The following EPN1 variants were observed in gnomAD, a reference collection of about 807,000 sequenced individuals.
EPN1 encodes epsin 1.
In EPN1, 25 loss-of-function variants were observed where a neutral mutation model predicts 56.9. That is an observed-to-expected ratio of 0.44 (90% CI 0.32 to 0.61). The LOEUF (loss-of-function observed/expected upper bound fraction) is 0.61, where lower values mean the gene tolerates loss of function less well. Among genes scored for constraint, EPN1 ranks in the 20% least tolerant of loss-of-function variants. The pLI is 0.05. For synonymous variants in EPN1, 411 were observed against 361.8 expected, an observed-to-expected ratio of 1.14 and a Z score of -1.54; for missense variants, 785 against 823.7, an observed-to-expected ratio of 0.95 and a Z score of 0.58.
chr19:55,676,037 A>G (rs1175686902), intron 1 of EPN1, among the ~76,000 whole-genome samples: 2 of 152,158 alleles, frequency 1.3e-5, no homozygotes, highest in African/African-American at 4.8e-5. Context: ...GCTGCCTGCT[A>G]AGCTGTGTAA....
rs1375915992 is a variant in EPN1 at position 55,692,043 on chromosome 19, G to A, written c.1052G>A (p.Trp351Ter). 1 of 1,450,894 alleles carries A rather than the reference G, an allele frequency of 6.9e-7. No individual in the cohort carries two copies. The highest frequency in any genetic ancestry group is 9.0e-7 in the Non-Finnish European group (1 of 1,107,976). The allele number at this position is 1,450,894 out of a possible 1,614,324, so 89.9% of individuals were successfully genotyped here. A position where few individuals can be genotyped will look rare whatever the true frequency, so the allele number is the denominator to read the frequency against. Reference sequence around the variant, plus strand: ...GGGGAGGGGCCCACGCCTGATCCATGGGGAAGTTCCGATGGTGAGTGCGTG... The same window carrying A: ...GGGGAGGGGCCCACGCCTGATCCATAGGGAAGTTCCGATGGTGAGTGCGTG... ...AAGEGPTPDP[W>*]GSSDGGVPVS... Residue 351 changes from tryptophan (W) to a stop codon, truncating the protein, a stop_gained, in exon 7 of 11, where the codon TGG becomes TAG. Coordinates refer to ENST00000270460, the MANE Select transcript of EPN1 (RefSeq NM_001130072.2). LOFTEE classifies it high-confidence loss of function.
At position 55,708,894 on chromosome 19, in the gene EPN1, A is replaced by G. The variant is rs769340325; in HGVS notation, c.*13538A>G. ...CAAGGAAAGCCTTTGTGAGACGACT[A>G]CTTCAGGGTGTTCCCCATCAGAGGA... On this transcript the variant is annotated 3_prime_UTR_variant, in exon 11 of 11. Coordinates refer to ENST00000270460, the MANE Select transcript of EPN1 (RefSeq NM_001130072.2). 1.5e-5 allele frequency: 23 copies of G among 1,519,482 alleles called. No homozygotes were observed. Among genetic ancestry groups the G allele is most frequent in the Non-Finnish European group, 1.9e-5 (22 of 1,140,754 alleles). The allele number at this position is 1,519,482 out of a possible 1,614,324, so 94.1% of individuals were successfully genotyped here. A position where few individuals can be genotyped will look rare whatever the true frequency, so the allele number is the denominator to read the frequency against.
chr19:55,679,103 G>A (rs1215034826), intron 2 of EPN1, among the ~76,000 whole-genome samples: 1 of 152,198 alleles, frequency 6.6e-6, no homozygotes, highest in African/African-American at 2.4e-5. Context: ...GCCTGAGAGG[G>A]CCCACGGTGC....
rs1427734507 is a variant in EPN1, at chr19:55,675,316, C to G, written c.-221C>G. 1 of 151,890 alleles carries G rather than the reference C, an allele frequency of 6.6e-6. No individual in the cohort carries two copies. 9.4% of individuals were successfully genotyped at this position (151,890 alleles called of 1,614,324 possible). On this transcript the variant is annotated 5_prime_UTR_variant, in exon 1 of 11. Transcript: ENST00000270460. ...GCGGGGCGGCGGAGCCGTCGGCGTG[C>G]GGCCCTCCTTGCGTTCGTGCGTGCG...
intron 7 of EPN1, among the ~76,000 whole-genome samples, chr19:55,692,324 C>A (rs966236292): frequency 7.0e-6 from 1 of 142,506 alleles, no homozygotes; most frequent in Non-Finnish European, 1.5e-5. Flanking sequence ...CAAGGCAGAG[C>A]GTGTGTGACG....
rs1312444689 is a variant in EPN1 at position 55,689,981 on chromosome 19, C to T, written c.762+31C>T. ...CGGGGCTTGTTCTGCCCTCCCTGGC[C>T]CCTGCAGGTGTCCGTCCGTCCCATC... On this transcript the variant is annotated intron_variant, in intron 6 of 10. Coordinates refer to ENST00000270460, the MANE Select transcript of EPN1 (RefSeq NM_001130072.2). The surrounding 1 kb of genome is among the most constrained non-coding windows in gnomAD (Gnocchi z 5.7). The T allele has an allele frequency of 1.9e-6, 3 of 1,558,956 alleles. No homozygotes were observed. The Admixed American group carries it at 5.7e-5, about 29-fold the overall frequency.
intron 3 of EPN1, 124 bp downstream of exon 3, chr19:55,685,769 TCTC>T: frequency 1.6e-6 from 2 of 1,263,310 alleles, no homozygotes; most frequent in Non-Finnish European, 2.2e-6. Flanking sequence ...CCCCTTTGCT[TCTC>T]CTCACCTGGG....
chr19:55,675,621 G>A (rs1470530718), intron 1 of EPN1, among the ~76,000 whole-genome samples, 186 bp downstream of exon 1: 1 of 152,210 alleles, frequency 6.6e-6, no homozygotes, highest in Non-Finnish European at 1.5e-5. Context: ...TCTCGTGTCT[G>A]TGTGTCTGTC....
At chr19:55,688,822 C>T (rs1364657758) in intron 3 of EPN1, 48 bp from the exon 4 acceptor site, 21 of 1,555,558 alleles carry the variant, frequency 1.3e-5, no homozygotes, top group Admixed American at 1.9e-5. Context: ...GGTTTCCTGT[C>T]TCTCGTTCCC....
At chr19:55,686,624 G>A (rs1481192910) in intron 3 of EPN1, among the ~76,000 whole-genome samples, 1 of 152,148 alleles carries the variant, frequency 6.6e-6, no homozygotes, top group Non-Finnish European at 1.5e-5. Flanking sequence ...ACATGGGTGT[G>A]ACGGGGTGTG....
chr19:55,685,003 T>TAG (rs1407322484), intron 2 of EPN1, among the ~76,000 whole-genome samples: 1 of 152,252 alleles, frequency 6.6e-6, no homozygotes, highest in African/African-American at 2.4e-5. Context: ...CAGAACGTCT[T>TAG]CATTGCCCCA....
At position 55,692,011 on chromosome 19, in the gene EPN1, T is replaced by G; in HGVS notation, c.1020T>G (p.Pro340=). The change falls in exon 7 of 11, where the codon CCT becomes CCG. Residue 340 remains proline, a synonymous_variant. Coordinates refer to ENST00000270460, the MANE Select transcript of EPN1 (RefSeq NM_001130072.2). ...SVDPWGGTPA[P]AAGEGPTPDP... Reference sequence around the variant, plus strand: ...ACCCTTGGGGTGGGACCCCAGCCCCTGCAGCTGGGGAGGGGCCCACGCCTG... The same window carrying G: ...ACCCTTGGGGTGGGACCCCAGCCCCGGCAGCTGGGGAGGGGCCCACGCCTG... 1 of 1,476,120 alleles carries G rather than the reference T, an allele frequency of 6.8e-7. No homozygotes were observed. Among genetic ancestry groups the G allele is most frequent in the Non-Finnish European group, 8.9e-7 (1 of 1,120,996 alleles). The allele number at this position is 1,476,120 out of a possible 1,614,324, so 91.4% of individuals were successfully genotyped here.
rs1302624100 is a variant in EPN1, at chr19:55,692,762, G to C, written c.1143G>C (p.Gly381=). 1.3e-6 allele frequency: 2 copies of C among 1,590,134 alleles called. No individual in the cohort carries two copies. The highest frequency in any genetic ancestry group is 1.7e-6 in the Non-Finnish European group (2 of 1,168,664). ...CGGCCTTCTCAGATCCCTGGGGAGG[G>C]TCACCTGCCAAGCCCAGCACCAATG... ...PAPAFSDPWG[G]SPAKPSTNGT... is the part of the protein sequence containing the mutation. The change falls in exon 8 of 11, where the codon GGG becomes GGC. Residue 381 remains glycine (G), a synonymous_variant. Transcript: ENST00000270460.
At position 55,694,668 on chromosome 19, in the gene EPN1, C is replaced by T. The variant is rs550111750; in HGVS notation, c.1265-58C>T. 102 of 1,507,526 alleles carry T rather than the reference C, an allele frequency of 6.8e-5. No homozygotes were observed. Among genetic ancestry groups the T allele is most frequent in the Non-Finnish European group, 8.5e-5 (96 of 1,131,248 alleles). 93.4% of individuals were successfully genotyped at this position (1,507,526 alleles called of 1,614,324 possible). On this transcript the variant is annotated intron_variant, in intron 9 of 10. Coordinates refer to ENST00000270460, the MANE Select transcript of EPN1 (RefSeq NM_001130072.2). This position sits in a 1 kb window ranked among gnomAD's most constrained non-coding sequence, Gnocchi z 4.2. ...CCCCTATGATGGCCTATACTGCTCC[C>T]GGGTTGGAGCCTCACTGCTGTCTGC...
Position 55,689,453 on chromosome 19 carries a change from A to T in EPN1, c.678+82A>T. ...GTCGCCCCTTCCTAAGTCACCCCCC[A>T]CCATCCTGCTGGGCCCGAAGCCCAC... is the stretch of plus-strand genomic sequence containing the variant. On this transcript the variant is annotated intron_variant, in intron 5 of 10. Coordinates refer to ENST00000270460, the MANE Select transcript of EPN1 (RefSeq NM_001130072.2). The surrounding 1 kb of genome is among the most constrained non-coding windows in gnomAD (Gnocchi z 5.7). The T allele has an allele frequency of 9.3e-7, 1 of 1,070,782 alleles. No homozygotes were observed. The highest frequency in any genetic ancestry group is 1.3e-5 in the South Asian group (1 of 74,292). 66.3% of individuals were successfully genotyped at this position (1,070,782 alleles called of 1,614,324 possible). A position where few individuals can be genotyped will look rare whatever the true frequency, so the allele number is the denominator to read the frequency against.
Position 55,708,274 on chromosome 19 carries a change from A to G in EPN1, c.*12918A>G, listed in dbSNP as rs959017111. On this transcript the variant is annotated 3_prime_UTR_variant, in exon 11 of 11. Transcript: ENST00000270460. ...GTAATAAAAATTTTAGACCAGGCCA[A>G]TAAGGCATCAGCAATTTACCGTAGG... 1 of 152,248 alleles carries G rather than the reference A, an allele frequency of 6.6e-6. No homozygotes were observed. Among genetic ancestry groups the G allele is most frequent in the Non-Finnish European group, 1.5e-5 (1 of 68,046 alleles). 9.4% of individuals were successfully genotyped at this position (152,248 alleles called of 1,614,324 possible).
rs1986973993 is a variant in EPN1, at chr19:55,697,951, A to C, written c.*2595A>C. Reference sequence around the variant, plus strand: ...GGCCGTGAGGAAGACTTTATTCAGGACCATCGAGACAGGTACAGGTACCAT... The same window carrying C: ...GGCCGTGAGGAAGACTTTATTCAGGCCCATCGAGACAGGTACAGGTACCAT... On this transcript the variant is annotated 3_prime_UTR_variant, in exon 11 of 11. Transcript: ENST00000270460. The C allele has an allele frequency of 6.6e-6, 1 of 151,948 alleles. No homozygotes were observed. The highest frequency in any genetic ancestry group is 6.6e-5 in the Admixed American group (1 of 15,252). 9.4% of individuals were successfully genotyped at this position (151,948 alleles called of 1,614,324 possible). A position where few individuals can be genotyped will look rare whatever the true frequency, so the allele number is the denominator to read the frequency against.
In EPN1 at chr19:55,687,716, C is replaced by T. The variant is rs140168159; in HGVS notation, c.479-1154C>T. On this transcript the variant is annotated intron_variant, in intron 3 of 10. Transcript: ENST00000270460. ...AGAAGGCCGCTTACCCACCCAAGTC[C>T]GTCAATCCCTGCTGGTTCTCTCGTC... Among the ~76,000 whole-genome samples the T allele has an allele frequency of 6.3e-3, 963 of 152,236 alleles. 14 individuals carry two copies. The highest frequency in any genetic ancestry group is 0.021 in the African/African-American group (889 of 41,526).
chr19:55,699,808 T>C lies in EPN1; in HGVS notation c.*4452T>C, dbSNP rs1160328484. 6.6e-6 allele frequency: 1 copy of C among 152,246 alleles called. No homozygotes were observed. Among genetic ancestry groups the C allele is most frequent in the East Asian group, 1.9e-4 (1 of 5,204 alleles). 9.4% of individuals were successfully genotyped at this position (152,246 alleles called of 1,614,324 possible). On this transcript the variant is annotated 3_prime_UTR_variant, in exon 11 of 11. Coordinates refer to ENST00000270460, the MANE Select transcript of EPN1 (RefSeq NM_001130072.2). The stretch of plus-strand genomic sequence containing the variant: ...TCCGCCGAGAAATCGCTCCCTTTGC[T>C]GTTTGTTTTGTATTGAATGTTTCTT...
Sources: allele counts gnomAD v4.1 joint callset (sites outside exome capture counted in the v4.1 genomes callset), GRCh38; gene constraint gnomAD v4.1.1; non-coding constraint Gnocchi (gnomAD v3.1); transcripts MANE v1.5; gene names NCBI Gene and HGNC (gene_info 2026-07-23, HGNC 2026-07-21).